SPON1: variants seen among roughly 807,000 people sequenced by gnomAD.
SPON1 encodes spondin-1.
SPON1 carries 52 observed loss-of-function variants against 111.7 expected under a neutral mutation model. The ratio of observed to expected loss-of-function variants is 0.47; its 90% confidence interval spans 0.37 to 0.59. The LOEUF (loss-of-function observed/expected upper bound fraction) is 0.59. SPON1 is among the 20% of genes least tolerant of loss of function. The probability of loss-of-function intolerance (pLI) is 0.00; values close to 1 mark genes in which losing one functional copy is unlikely to be tolerated. For synonymous variants in SPON1, 410 were observed against 395.8 expected (o/e 1.04, Z -0.43); for missense variants, 957 against 1,068.5 (o/e 0.90, Z 1.46).
At chr11:13,970,381 G>A (rs1457243190) in intron 1 of SPON1, among the ~76,000 whole-genome samples, 1 of 152,214 alleles carries the variant, frequency 6.6e-6, no homozygotes, top group Non-Finnish European at 1.5e-5. Flanking sequence ...ATTTTCTTGA[G>A]GCTAGGAGAC....
intron 6 of SPON1, among the ~76,000 whole-genome samples, chr11:14,152,638 T>C (rs1554930011): frequency 6.6e-6 from 1 of 152,228 alleles, no homozygotes; most frequent in Non-Finnish European, 1.5e-5. Context: ...TAATATGATA[T>C]AGAGACAAAT....
At chr11:14,235,092 C>T (rs1435309383) in intron 6 of SPON1, among the ~76,000 whole-genome samples, 5 of 152,328 alleles carry the variant, frequency 3.3e-5, no homozygotes, top group African/African-American at 9.6e-5. Flanking sequence ...GCAGTGCTGG[C>T]ACGGCTCTAT....
intron 7 of SPON1, among the ~76,000 whole-genome samples, chr11:14,248,852 G>T (rs1849022851): frequency 6.6e-6 from 1 of 152,160 alleles, no homozygotes; most frequent in African/African-American, 2.4e-5. Context: ...AGCCATGAAT[G>T]AGCAAATTAG....
At chr11:14,017,443 C>T (rs537522141) in intron 2 of SPON1, among the ~76,000 whole-genome samples, 7 of 152,180 alleles carry the variant, frequency 4.6e-5, no homozygotes, top group Admixed American at 3.9e-4. Flanking sequence ...CTTCTCTTCT[C>T]GTGTGCCTGC....
rs1438599928 is a variant in SPON1, at chr11:14,160,701, A to T, written c.825+25133A>T. ...TATTTATATATATATTTATATATTT[A>T]TATATATTTATATATATTTATATAT... On this transcript the variant is annotated intron_variant, in intron 6 of 15. Transcript: ENST00000576479. Among the ~76,000 whole-genome samples the T allele has an allele frequency of 2.8e-4, 4 of 14,478 alleles. 1 individual carries two copies. The Admixed American group carries it at 5.3e-3, about 19-fold the overall frequency. 9.5% of individuals were successfully genotyped at this position (14,478 alleles called of 152,430 possible).
chr11:14,056,950 A>G (rs952997373), intron 3 of SPON1, among the ~76,000 whole-genome samples: 1 of 152,174 alleles, frequency 6.6e-6, no homozygotes, highest in East Asian at 1.9e-4. Context: ...AGGAAGATCT[A>G]AAGCATGCTA....
rs1554939914 is a variant in SPON1 at position 14,243,416 on chromosome 11, T to G, written c.890+20T>G. 6.4e-7 allele frequency: 1 copy of G among 1,558,622 alleles called. No homozygotes were observed. The highest frequency in any genetic ancestry group is 8.7e-7 in the Non-Finnish European group (1 of 1,150,408). ...CAACGTGTAAGTAACACAAGTCCCTTGCCTGGCCTGTCTTATCCTAGCCCC... is the reference window on the plus strand; with the variant it reads ...CAACGTGTAAGTAACACAAGTCCCTGGCCTGGCCTGTCTTATCCTAGCCCC... On this transcript the variant is annotated intron_variant, in intron 7 of 15. Transcript: ENST00000576479.
chr11:14,146,121 G>A (rs1312475288), intron 6 of SPON1, among the ~76,000 whole-genome samples: 2 of 149,368 alleles, frequency 1.3e-5, no homozygotes, highest in African/African-American at 4.9e-5. Context: ...TGTATTGCTT[G>A]AATTTTACCA....
At chr11:14,248,235 A>G (rs573977675) in intron 7 of SPON1, among the ~76,000 whole-genome samples, 3 of 152,300 alleles carry the variant, frequency 2.0e-5, no homozygotes, top group South Asian at 2.1e-4. Context: ...AGGGGGAAAA[A>G]CAGCCCGGAG....
intron 6 of SPON1, among the ~76,000 whole-genome samples, chr11:14,143,621 G>A (rs10766144): frequency 6.6e-6 from 1 of 151,524 alleles, no homozygotes; most frequent in Non-Finnish European, 1.5e-5. Flanking sequence ...TTTCAGGGCA[G>A]CAGTGGATGG....
chr11:13,967,322 A>G (rs1023956343), intron 1 of SPON1, among the ~76,000 whole-genome samples: 11 of 152,212 alleles, frequency 7.2e-5, no homozygotes, highest in African/African-American at 2.7e-4. Context: ...AGTAACTGAC[A>G]TCTCTCAGGA....
intron 2 of SPON1, among the ~76,000 whole-genome samples, chr11:14,001,921 A>T (rs1250672898): frequency 6.6e-6 from 1 of 152,240 alleles, no homozygotes; most frequent in Non-Finnish European, 1.5e-5. Flanking sequence ...GTTCATACTA[A>T]GTGATCAATA....
chr11:14,065,336 C>A (rs1316459196), intron 3 of SPON1, among the ~76,000 whole-genome samples: 1 of 152,174 alleles, frequency 6.6e-6, no homozygotes, highest in African/African-American at 2.4e-5. Flanking sequence ...GGACGAACTG[C>A]GGAGAGTAAT....
intron 2 of SPON1, among the ~76,000 whole-genome samples, chr11:13,993,083 G>T (rs1848243966): frequency 6.7e-6 from 1 of 149,406 alleles, no homozygotes; most frequent in Admixed American, 6.6e-5. Flanking sequence ...TTGAGAGAGG[G>T]TTACTTTGCT....
At chr11:14,074,912 A>T (rs1177304362) in intron 3 of SPON1, among the ~76,000 whole-genome samples, 2 of 152,182 alleles carry the variant, frequency 1.3e-5, no homozygotes, top group African/African-American at 4.8e-5. Context: ...TATATTTTTA[A>T]ATTCCTTTTT....
At chr11:14,192,313 C>G (rs1848354925) in intron 6 of SPON1, among the ~76,000 whole-genome samples, 1 of 151,636 alleles carries the variant, frequency 6.6e-6, no homozygotes, top group Admixed American at 6.6e-5. Flanking sequence ...TGGCACTCTG[C>G]TAGGGTATGT....
Position 14,041,590 on chromosome 11 carries a change from A to G in SPON1, c.415A>G (p.Arg139Gly), listed in dbSNP as rs1554917279. 2.5e-6 allele frequency: 4 copies of G among 1,613,834 alleles called. No individual in the cohort carries two copies. In the South Asian group the frequency reaches 4.4e-5, roughly 18 times the overall value. ...PVAVTESTPR[R>G]RTRIQVFWIA... ...TGCAGTCACTGAAAGCACTCCACGG[A>G]GGAGGACCCGGATCCAGGTGTTTTG... is the stretch of plus-strand genomic sequence containing the variant. The change falls in exon 3 of 16, where the codon AGG (arginine) becomes GGG (glycine). Residue 139 changes from arginine (R) to glycine (G), a missense_variant. Transcript: ENST00000576479.
At chr11:13,995,423 G>A (rs140013082) in intron 2 of SPON1, among the ~76,000 whole-genome samples, 45 of 152,244 alleles carry the variant, frequency 3.0e-4, no homozygotes, top group African/African-American at 1.0e-3. Flanking sequence ...TTACAATCAT[G>A]GTAGAAGGCA....
chr11:13,981,785 A>T (rs1383893529), intron 1 of SPON1, among the ~76,000 whole-genome samples: 1 of 152,070 alleles, frequency 6.6e-6, no homozygotes, highest in Non-Finnish European at 1.5e-5. Flanking sequence ...TCAGTAGGTG[A>T]TTTTCCGTGG....
Sources: gnomAD v4.1 joint callset for allele counts (sites outside exome capture counted in the v4.1 genomes callset) on GRCh38, gnomAD v4.1.1 for gene constraint, MANE v1.5 for transcripts, NCBI Gene and HGNC (gene_info 2026-07-23, HGNC 2026-07-21) for gene names.